The following RBBP8NL variants were observed in gnomAD, a reference collection of about 807,000 sequenced individuals.
The protein encoded by RBBP8NL is RBBP8 N-terminal-like protein.
RBBP8NL carries 59 observed loss-of-function variants against 62.2 expected under a neutral mutation model. That is an observed-to-expected ratio of 0.95 (90% CI 0.77 to 1.18). The LOEUF (loss-of-function observed/expected upper bound fraction) is 1.18, where lower values mean the gene tolerates loss of function less well. Among genes scored for constraint, RBBP8NL ranks in the 50% most tolerant of loss-of-function variants. The probability of loss-of-function intolerance (pLI) is 0.00; values close to 1 mark genes in which losing one functional copy is unlikely to be tolerated. For synonymous variants in RBBP8NL, 412 were observed against 394.1 expected, an observed-to-expected ratio of 1.05 and a Z score of -0.54; for missense variants, 896 against 899.5, an observed-to-expected ratio of 1.00 and a Z score of 0.05.
At chr20:62,423,757 C>T (rs1601491828) in intron 1 of RBBP8NL, among the ~76,000 whole-genome samples, 1 of 152,122 alleles carries the variant, frequency 6.6e-6, no homozygotes. Context: ...TGCAGCACTC[C>T]TAGAGTGCTG....
chr20:62,423,649 G>A (rs1272598074), intron 1 of RBBP8NL, among the ~76,000 whole-genome samples: 1 of 152,214 alleles, frequency 6.6e-6, no homozygotes, highest in Non-Finnish European at 1.5e-5. Flanking sequence ...CACGAGAGGT[G>A]GGCTTCCTTC....
At chr20:62,417,170 C>T in intron 4 of RBBP8NL, 54 bp downstream of exon 4, 1 of 1,386,640 alleles carries the variant, frequency 7.2e-7, no homozygotes, top group Non-Finnish European at 1.0e-6. Flanking sequence ...TCACCTCCTC[C>T]TCTCCTGAGC....
At chr20:62,417,183 A>C in intron 4 of RBBP8NL, 41 bp downstream of exon 4, 2 of 1,479,950 alleles carry the variant, frequency 1.4e-6, no homozygotes, top group Non-Finnish European at 1.9e-6. Flanking sequence ...TCCTGAGCCC[A>C]CCGGTCCTGG....
At chr20:62,416,427 C>G (rs138332076) in intron 5 of RBBP8NL, among the ~76,000 whole-genome samples, 191 bp from the exon 6 acceptor site, 2 of 152,182 alleles carry the variant, frequency 1.3e-5, no homozygotes, top group Admixed American at 6.5e-5. Flanking sequence ...TGAGCAGTGC[C>G]GGCCTCGAGG....
At chr20:62,416,039 A>AC (rs1988557277) in intron 6 of RBBP8NL, 94 bp from the exon 7 acceptor site, 1 of 1,460,794 alleles carries the variant, frequency 6.8e-7, no homozygotes, top group Admixed American at 2.1e-5. Context: ...ACCCCAGGTG[A>AC]CGCAGCTGTC....
At position 62,412,726 on chromosome 20, in the gene RBBP8NL, T is replaced by C; in HGVS notation, c.1774A>G (p.Thr592Ala). 6.2e-7 allele frequency: 1 copy of C among 1,611,678 alleles called. No individual in the cohort carries two copies. The highest frequency in any genetic ancestry group is 8.5e-7 in the Non-Finnish European group (1 of 1,179,964). Residue 592 changes from threonine (T) to alanine (A), a missense_variant, in exon 13 of 14, where the codon ACT (threonine) becomes GCT (alanine). Transcript: ENST00000252998. ...EVGLSSQAEA[T>A]TSTTGEGPEC... ...GGCCCCTCCCCGGTCGTGCTCGTAG[T>C]GGCCTCCGCCTGGGAGCTCAGGCCC...
intron 9 of RBBP8NL, 73 bp from the exon 10 acceptor site, chr20:62,414,629 G>C: frequency 7.3e-7 from 1 of 1,379,028 alleles, no homozygotes; most frequent in Non-Finnish European, 9.4e-7. Context: ...CTGAGAGGGA[G>C]AGACGACAGG....
chr20:62,424,853 G>C (rs1018193700), intron 1 of RBBP8NL, among the ~76,000 whole-genome samples: 1 of 152,114 alleles, frequency 6.6e-6, no homozygotes. Flanking sequence ...CCTACCTCAC[G>C]CATTCTCAGA....
chr20:62,414,777 C>T (rs538295727), intron 9 of RBBP8NL, among the ~76,000 whole-genome samples: 123 of 152,328 alleles, frequency 8.1e-4, no homozygotes, highest in African/African-American at 2.6e-3. Context: ...CCAGAGGTGG[C>T]CTGTGGTCTG....
chr20:62,412,611 A>G lies in RBBP8NL; in HGVS notation c.1876+13T>C. 1.2e-6 allele frequency: 2 copies of G among 1,601,578 alleles called. No individual in the cohort carries two copies. Among genetic ancestry groups the G allele is most frequent in the Non-Finnish European group, 1.7e-6 (2 of 1,179,518 alleles). On this transcript the variant is annotated intron_variant, in intron 13 of 13. Coordinates refer to ENST00000252998, the MANE Select transcript of RBBP8NL (RefSeq NM_080833.3). ...TCGCCCCCTTCCCTGCACCTGCCCC[A>G]TGCCAGCTGTACCTTTGTCCCCAGG...
rs904993911 is a variant in RBBP8NL at position 62,410,868 on chromosome 20, T to C, written c.*10A>G. On this transcript the variant is annotated 3_prime_UTR_variant, in exon 14 of 14. Coordinates refer to ENST00000252998, the MANE Select transcript of RBBP8NL (RefSeq NM_080833.3). ...GCCCCGGGCTCGCTGTGGACCCTGG[T>C]GCAGGCTGGCTAGGTCTCCTCCCAG... The C allele has an allele frequency of 1.9e-6, 3 of 1,589,278 alleles. No individual in the cohort carries two copies. Among genetic ancestry groups the C allele is most frequent in the Non-Finnish European group, 2.6e-6 (3 of 1,159,380 alleles).
intron 5 of RBBP8NL, 58 bp from the exon 6 acceptor site, chr20:62,416,294 T>TGGGGGGGGGGGGGGGGGGGCGG: frequency 1.9e-6 from 1 of 515,306 alleles, no homozygotes; most frequent in Non-Finnish European, 3.8e-6. Context: ...GGGGCAGGGG[T>TGGGGGGGGGGGGGGGGGGGCGG]GGGGTCGTCA....
At chr20:62,420,625 C>T (rs1273881428) in intron 1 of RBBP8NL, among the ~76,000 whole-genome samples, 1 of 152,178 alleles carries the variant, frequency 6.6e-6, no homozygotes, top group Non-Finnish European at 1.5e-5. Context: ...CACATGCTGA[C>T]AACAAAGCTG....
chr20:62,422,252 C>T (rs989505788), intron 1 of RBBP8NL, among the ~76,000 whole-genome samples: 34 of 152,140 alleles, frequency 2.2e-4, no homozygotes, highest in African/African-American at 7.7e-4. Context: ...GAGACGCCCA[C>T]GTGAGGGTCC....
In RBBP8NL at chr20:62,415,388, C is replaced by T. The variant is rs1008687038; in HGVS notation, c.628-101G>A. 5 of 1,425,754 alleles carry T rather than the reference C, an allele frequency of 3.5e-6. No homozygotes were observed. The African/African-American group carries it at 4.2e-5, about 12-fold the overall frequency. The allele number at this position is 1,425,754 out of a possible 1,614,324, so 88.3% of individuals were successfully genotyped here. Reference sequence around the variant, plus strand: ...CCTGCCCTGGGCTGCTCCCACTCTGCCCCTGCTCACTGCTGAGCTGCACCC... The same window carrying T: ...CCTGCCCTGGGCTGCTCCCACTCTGTCCCTGCTCACTGCTGAGCTGCACCC... On this transcript the variant is annotated intron_variant, in intron 8 of 13. Coordinates refer to ENST00000252998, the MANE Select transcript of RBBP8NL (RefSeq NM_080833.3).
Position 62,415,286 on chromosome 20 carries a change from CTCTG to C in RBBP8NL, c.628-3_628del. 6.4e-7 allele frequency: 1 copy of C among 1,569,812 alleles called. No homozygotes were observed. On this transcript the variant is annotated splice_acceptor_variant and splice_polypyrimidine_tract_variant and coding_sequence_variant and intron_variant, in exon 9 of 14. Coordinates refer to ENST00000252998, the MANE Select transcript of RBBP8NL (RefSeq NM_080833.3). LOFTEE classifies it high-confidence loss of function. ...CAGCTGGTTGGAGATGCGCTGGGGG[CTCTG>C]TGAGGATGGGTGGGTCAGCCTGGGC... is the stretch of plus-strand genomic sequence containing the variant.
rs1437027227 is a variant in RBBP8NL at position 62,412,898 on chromosome 20, G to A, written c.1678C>T (p.Pro560Ser). 6.2e-7 allele frequency: 1 copy of A among 1,612,998 alleles called. No individual in the cohort carries two copies. The highest frequency in any genetic ancestry group is 8.5e-7 in the Non-Finnish European group (1 of 1,180,000). Residue 560 changes from proline to serine, a missense_variant and splice_region_variant, in exon 12 of 14, where the codon CCC (proline) becomes TCC (serine). Coordinates refer to ENST00000252998, the MANE Select transcript of RBBP8NL (RefSeq NM_080833.3). ...QPPDLDGHPE[P>S]SKAEVLRPES... ...GGTCTCAGCACTTCAGCCTTGCTGG[G>A]CTCTGAAGGATGCAGAGTGTGGGGT... is the stretch of plus-strand genomic sequence containing the variant.
At chr20:62,414,658 G>C in intron 9 of RBBP8NL, 102 bp from the exon 10 acceptor site, 1 of 1,312,804 alleles carries the variant, frequency 7.6e-7, no homozygotes, top group Non-Finnish European at 9.9e-7. Flanking sequence ...CCACAGGCGA[G>C]GAAACTGAGG....
In RBBP8NL at chr20:62,410,733, A is replaced by G; in HGVS notation, c.*145T>C. The G allele has an allele frequency of 1.5e-6, 1 of 670,416 alleles. No individual in the cohort carries two copies. The highest frequency in any genetic ancestry group is 1.8e-5 in the South Asian group (1 of 57,070). The allele number at this position is 670,416 out of a possible 1,614,324, so 41.5% of individuals were successfully genotyped here. A position where few individuals can be genotyped will look rare whatever the true frequency, so the allele number is the denominator to read the frequency against. On this transcript the variant is annotated 3_prime_UTR_variant, in exon 14 of 14. Transcript: ENST00000252998. ...GCAGGCAGAGAGCTGCCCTGGGCTC[A>G]CTGTGGGTTCAGCTGAGGCTGGCTA... is the stretch of plus-strand genomic sequence containing the variant.
Sources: gnomAD v4.1 joint callset for allele counts (sites outside exome capture counted in the v4.1 genomes callset) on GRCh38, gnomAD v4.1.1 for gene constraint, MANE v1.5 for transcripts, NCBI Gene and HGNC (gene_info 2026-07-23, HGNC 2026-07-21) for gene names.